The following ABCC4 variants were observed in gnomAD, a reference collection of about 807,000 sequenced individuals.
The protein encoded by ABCC4 is ATP-binding cassette sub-family C member 4.
In ABCC4, 102 loss-of-function variants were observed where a neutral mutation model predicts 168.5. The ratio of observed to expected loss-of-function variants is 0.61; its 90% CI spans 0.52 to 0.71. The LOEUF is 0.71. Ranked by LOEUF, ABCC4 falls within the 30% of genes least tolerant of loss-of-function variation. The pLI is 0.00. For synonymous variants in ABCC4, 617 were observed against 590.7 expected (o/e 1.04, Z -0.65); for missense variants, 1,402 against 1,605.8 (o/e 0.87, Z 2.17).
At chr13:95,120,073 T>C (rs1456242579) in intron 19 of ABCC4, among the ~76,000 whole-genome samples, 1 of 151,730 alleles carries the variant, frequency 6.6e-6, no homozygotes, top group Non-Finnish European at 1.5e-5. Context: ...GATTTTGAGG[T>C]TCACCCATGA....
At chr13:95,052,976 G>T in intron 27 of ABCC4, 119 bp downstream of exon 27, 1 of 801,988 alleles carries the variant, frequency 1.2e-6, no homozygotes, top group Non-Finnish European at 2.1e-6. Flanking sequence ...ATGATCTCCT[G>T]GGTGGTGAAC....
At chr13:95,046,148 C>T (rs906582967) in intron 27 of ABCC4, among the ~76,000 whole-genome samples, 2 of 152,176 alleles carry the variant, frequency 1.3e-5, no homozygotes, top group Non-Finnish European at 2.9e-5. Flanking sequence ...CAGACCTATA[C>T]CCCATGTGAT....
chr13:95,196,439 C>A (rs1179446831), intron 8 of ABCC4, among the ~76,000 whole-genome samples: 1 of 152,058 alleles, frequency 6.6e-6, no homozygotes, highest in Non-Finnish European at 1.5e-5. Flanking sequence ...CCTCCAAAAT[C>A]CAGGTGGTGA....
intron 30 of ABCC4, among the ~76,000 whole-genome samples, chr13:95,022,404 C>T (rs115345973): frequency 0.013 from 1,978 of 152,212 alleles, 44 homozygotes; most frequent in African/African-American, 0.044. Flanking sequence ...TTCTGATAAA[C>T]GTATAATCAG....
chr13:95,157,332 C>CA (rs61066518), intron 19 of ABCC4, among the ~76,000 whole-genome samples: 6,881 of 139,824 alleles, frequency 0.049, 214 homozygotes, highest in Middle Eastern at 0.13. Context: ...ACTAAAAATA[C>CA]AAAAAAAAAA....
intron 19 of ABCC4, among the ~76,000 whole-genome samples, chr13:95,146,675 T>C (rs2036507731): frequency 6.6e-6 from 1 of 152,160 alleles, no homozygotes; most frequent in Non-Finnish European, 1.5e-5. Flanking sequence ...GGATCTACTG[T>C]GTGGATGCTC....
Position 95,021,487 on chromosome 13 carries a change from C to T in ABCC4, c.*88G>A. On this transcript the variant is annotated 3_prime_UTR_variant, in exon 31 of 31. Transcript: ENST00000645237. ...ATCTTGTATGTATAAATATTTGTTGCCAAAGTAAAAAAAAGTACAATGTGG... is the reference window on the plus strand; with the variant it reads ...ATCTTGTATGTATAAATATTTGTTGTCAAAGTAAAAAAAAGTACAATGTGG... 1.2e-6 allele frequency: 1 copy of T among 861,312 alleles called. No homozygotes were observed. The highest frequency in any genetic ancestry group is 1.8e-6 in the Non-Finnish European group (1 of 542,960). The allele number at this position is 861,312 out of a possible 1,614,324, so 53.4% of individuals were successfully genotyped here.
chr13:95,068,032 C>T (rs1326393112), intron 25 of ABCC4, among the ~76,000 whole-genome samples: 2 of 152,142 alleles, frequency 1.3e-5, no homozygotes, highest in Non-Finnish European at 2.9e-5. Flanking sequence ...CTACTTAGCG[C>T]CTATTACTTT....
intron 30 of ABCC4, among the ~76,000 whole-genome samples, chr13:95,023,462 A>G (rs1034702067): frequency 3.3e-5 from 5 of 152,218 alleles, no homozygotes; most frequent in Non-Finnish European, 5.9e-5. Flanking sequence ...TACTTTTAGC[A>G]AAGCCCTCAT....
intron 20 of ABCC4, among the ~76,000 whole-genome samples, chr13:95,099,686 A>C (rs115961400): frequency 6.6e-6 from 1 of 152,164 alleles, no homozygotes; most frequent in Non-Finnish European, 1.5e-5. Flanking sequence ...CCCTAGAACA[A>C]AAATGGCTCC....
rs2033817157 is a variant in ABCC4, at chr13:95,074,084, A to G, written c.2917+130T>C. The G allele has an allele frequency of 8.4e-6, 6 of 715,142 alleles. No homozygotes were observed. The Admixed American group carries it at 1.3e-4, about 15-fold the overall frequency. The allele number at this position is 715,142 out of a possible 1,614,324, so 44.3% of individuals were successfully genotyped here. A position where few individuals can be genotyped will look rare whatever the true frequency, so the allele number is the denominator to read the frequency against. On this transcript the variant is annotated intron_variant, in intron 23 of 30. Coordinates refer to ENST00000645237, the MANE Select transcript of ABCC4 (RefSeq NM_005845.5). ...AATCCTACCCAACCTGACACATCGT[A>G]AATGATTTAATACACTTCATTAGGA...
intron 14 of ABCC4, among the ~76,000 whole-genome samples, chr13:95,167,313 A>G (rs1048237568): frequency 2.0e-5 from 3 of 152,238 alleles, no homozygotes; most frequent in Non-Finnish European, 4.4e-5. Context: ...AAAGTCATAG[A>G]AAATAATGTA....
intron 19 of ABCC4, among the ~76,000 whole-genome samples, chr13:95,160,389 T>A (rs550341540): frequency 6.6e-6 from 1 of 152,276 alleles, no homozygotes; most frequent in South Asian, 2.1e-4. Context: ...TGGGGACTTA[T>A]AGGCACAACT....
At chr13:95,104,945 G>A (rs76499690) in intron 20 of ABCC4, among the ~76,000 whole-genome samples, 10,929 of 152,214 alleles carry the variant, frequency 0.072, 495 homozygotes, top group African/African-American at 0.11. Flanking sequence ...CATGGATGGC[G>A]ATGGAGGTAG....
At chr13:95,121,139 C>T (rs1027938290) in intron 19 of ABCC4, among the ~76,000 whole-genome samples, 1 of 152,260 alleles carries the variant, frequency 6.6e-6, no homozygotes, top group East Asian at 1.9e-4. Context: ...TTATCCTCCT[C>T]GGAGGCTCAG....
chr13:95,166,450 A>G, intron 14 of ABCC4, 83 bp from the exon 15 acceptor site: 1 of 1,187,500 alleles, frequency 8.4e-7, no homozygotes, highest in Non-Finnish European at 1.2e-6. Context: ...CAGAAAAAGT[A>G]ACTGATCTTA....
intron 19 of ABCC4, among the ~76,000 whole-genome samples, chr13:95,151,809 T>TAG (rs2036698107): frequency 6.6e-6 from 1 of 152,196 alleles, no homozygotes; most frequent in South Asian, 2.1e-4. Flanking sequence ...TTTTACCTGT[T>TAG]AGAACCCTGA....
At chr13:95,121,431 GT>G (rs567192252) in intron 19 of ABCC4, among the ~76,000 whole-genome samples, 80 of 138,482 alleles carry the variant, frequency 5.8e-4, no homozygotes, top group African/African-American at 8.7e-4. Context: ...GTTTTTTTTT[GT>G]TTTTTTTTTT....
At chr13:95,101,450 T>C (rs1308587823) in intron 20 of ABCC4, among the ~76,000 whole-genome samples, 1 of 152,214 alleles carries the variant, frequency 6.6e-6, no homozygotes, top group East Asian at 1.9e-4. Context: ...AGTGCAGCTG[T>C]GTGCAAGTTA....
Sources: allele counts gnomAD v4.1 joint callset (sites outside exome capture counted in the v4.1 genomes callset), GRCh38; gene constraint gnomAD v4.1.1; transcripts MANE v1.5; gene names NCBI Gene and HGNC (gene_info 2026-07-23, HGNC 2026-07-21).